The following KCNT1 variants were observed in gnomAD, a reference collection of about 807,000 sequenced individuals.
KCNT1 encodes the protein potassium channel subfamily T member 1.
In KCNT1, 78 loss-of-function variants were observed where a neutral mutation model predicts 147.8. The observed-to-expected ratio is 0.53, with a 90% CI of 0.44 to 0.64. The LOEUF is 0.64. Ranked by LOEUF, KCNT1 falls within the 30% of genes least tolerant of loss-of-function variation. The probability of loss-of-function intolerance (pLI) is 0.00; values close to 1 mark genes in which losing one functional copy is unlikely to be tolerated. For synonymous variants in KCNT1, 867 were observed against 748.8 expected (o/e 1.16, Z -2.58); for missense variants, 1,419 against 1,750.3 (o/e 0.81, Z 3.38).
rs114754838 is a variant in KCNT1, at chr9:135,718,010, G to A, written c.254+3290G>A. Among the ~76,000 whole-genome samples, 1,378 of 152,310 alleles carry A rather than the reference G, an allele frequency of 9.0e-3. 12 individuals are homozygous for A. The highest frequency in any genetic ancestry group is 0.03 in the African/African-American group (1,259 of 41,560). ...CACCCAAGCCCTCCCCTATCCATAA[G>A]GACACGCACGTGGGGACCCCAGCCC... is the stretch of plus-strand genomic sequence containing the variant. On this transcript the variant is annotated intron_variant, in intron 2 of 30. Transcript: ENST00000371757.
At chr9:135,785,070 G>A (rs539860436) in intron 27 of KCNT1, among the ~76,000 whole-genome samples, 181 bp downstream of exon 27, 62 of 152,316 alleles carry the variant, frequency 4.1e-4, no homozygotes, top group African/African-American at 1.3e-3. Flanking sequence ...AGCTCCTTCC[G>A]TCTGGTCCGT....
chr9:135,776,811 G>A (rs887870788), intron 20 of KCNT1, among the ~76,000 whole-genome samples: 2 of 152,190 alleles, frequency 1.3e-5, no homozygotes, highest in Non-Finnish European at 2.9e-5. Flanking sequence ...GCGGCTTCTG[G>A]GTGCTTCTGA....
chr9:135,734,712 C>T (rs1830264752), intron 2 of KCNT1, among the ~76,000 whole-genome samples: 1 of 152,162 alleles, frequency 6.6e-6, no homozygotes, highest in African/African-American at 2.4e-5. Flanking sequence ...CCCGGGTGGG[C>T]GCGCGCGTTT....
At chr9:135,721,001 A>T (rs1474226212) in intron 2 of KCNT1, among the ~76,000 whole-genome samples, 2 of 152,158 alleles carry the variant, frequency 1.3e-5, no homozygotes, top group African/African-American at 4.8e-5. Flanking sequence ...CGAGGGACAC[A>T]CGGCCGAGCC....
chr9:135,752,316 G>A lies in KCNT1; in HGVS notation c.434+1275G>A. The A allele has an allele frequency of 2.2e-6, 1 of 455,152 alleles. No individual in the cohort carries two copies. Among genetic ancestry groups the A allele is most frequent in the Non-Finnish European group, 4.4e-6 (1 of 226,434 alleles). The allele number at this position is 455,152 out of a possible 1,614,324, so 28.2% of individuals were successfully genotyped here. On this transcript the variant is annotated intron_variant, in intron 4 of 30. Coordinates refer to ENST00000371757, the MANE Select transcript of KCNT1 (RefSeq NM_020822.3). This position sits in a 1 kb window ranked among gnomAD's most constrained non-coding sequence, Gnocchi z 5.1. The stretch of plus-strand genomic sequence containing the variant: ...TCACCTGTTACCCCGTCACAAGGGG[G>A]CCTGGCATCCCCAGGCCAGAGACTT...
intron 1 of KCNT1, among the ~76,000 whole-genome samples, chr9:135,704,025 G>C (rs1005589977): frequency 1.3e-5 from 2 of 152,228 alleles, no homozygotes. Context: ...GGCTGGGCTC[G>C]GGAGCGGGGA....
chr9:135,780,474 T>C (rs1564385082), intron 24 of KCNT1, among the ~76,000 whole-genome samples: 1 of 152,100 alleles, frequency 6.6e-6, no homozygotes, highest in Non-Finnish European at 1.5e-5. Context: ...AGAGTGAAAG[T>C]GTGTTCCGGC....
rs572481949 is a variant in KCNT1, at chr9:135,737,123, C to T, written c.255-12975C>T. 3.1e-4 allele frequency: 51 copies of T among 166,834 alleles called. 2 individuals carry two copies. The South Asian group carries it at 9.9e-3, about 32-fold the overall frequency. The allele number at this position is 166,834 out of a possible 1,614,324, so 10.3% of individuals were successfully genotyped here. The stretch of plus-strand genomic sequence containing the variant: ...GGAGCCCCGATCTTGTTGGTGCCAG[C>T]GCCACTTTGGGGGAGACAGGGCCGG... On this transcript the variant is annotated intron_variant, in intron 2 of 30. Coordinates refer to ENST00000371757, the MANE Select transcript of KCNT1 (RefSeq NM_020822.3).
intron 25 of KCNT1, 47 bp from the exon 26 acceptor site, chr9:135,784,488 T>TTC: frequency 7.0e-5 from 6 of 85,996 alleles, no homozygotes; most frequent in Non-Finnish European, 1.3e-4. Flanking sequence ...TGTGGCTCCC[T>TTC]CCCTCCCTCC....
intron 2 of KCNT1, among the ~76,000 whole-genome samples, chr9:135,729,046 G>T (rs1836328241): frequency 6.6e-6 from 1 of 152,226 alleles, no homozygotes; most frequent in African/African-American, 2.4e-5. Flanking sequence ...AGGTCATTCA[G>T]TTGGGCCCTA....
At chr9:135,734,059 C>T (rs1273954744) in intron 2 of KCNT1, among the ~76,000 whole-genome samples, 2 of 152,156 alleles carry the variant, frequency 1.3e-5, no homozygotes, top group Non-Finnish European at 1.5e-5. Flanking sequence ...ACTCAGCTCG[C>T]GGTAGGCAAA....
rs1025612910 is a variant in KCNT1, at chr9:135,736,983, C to T, written c.255-13115C>T. 4.8e-5 allele frequency: 14 copies of T among 290,890 alleles called. No individual in the cohort carries two copies. The Admixed American group carries it at 6.3e-4, about 13-fold the overall frequency. The allele number at this position is 290,890 out of a possible 1,614,324, so 18.0% of individuals were successfully genotyped here. A position where few individuals can be genotyped will look rare whatever the true frequency, so the allele number is the denominator to read the frequency against. On this transcript the variant is annotated intron_variant, in intron 2 of 30. Coordinates refer to ENST00000371757, the MANE Select transcript of KCNT1 (RefSeq NM_020822.3). Reference sequence around the variant, plus strand: ...TTGAGAGCCTGCGGGACCCCCCACTCCCCCCACGTAGGGGCTGAACACGGC... The same window carrying T: ...TTGAGAGCCTGCGGGACCCCCCACTTCCCCCACGTAGGGGCTGAACACGGC...
rs1831249782 is a variant in KCNT1 at position 135,752,669 on chromosome 9, TGGATGGAGG to T, written c.435-1266_435-1258del. Among the ~76,000 whole-genome samples the T allele has an allele frequency of 7.9e-6, 1 of 126,796 alleles. No homozygotes were observed. The highest frequency in any genetic ancestry group is 1.7e-5 in the Non-Finnish European group (1 of 57,898). The allele number at this position is 126,796 out of a possible 152,430, so 83.2% of individuals were successfully genotyped here. Reference sequence around the variant, plus strand: ...CGGACGGATGGACGGATGGATGGAGTGGATGGAGGGATGAGTGGATGGGTGGATAATGGA... The same window carrying T: ...CGGACGGATGGACGGATGGATGGAGTGATGAGTGGATGGGTGGATAATGGA... On this transcript the variant is annotated intron_variant, in intron 4 of 30. Transcript: ENST00000371757. This position sits in a 1 kb window ranked among gnomAD's most constrained non-coding sequence, Gnocchi z 5.1.
At chr9:135,745,277 C>T (rs1169006065) in intron 2 of KCNT1, among the ~76,000 whole-genome samples, 3 of 152,194 alleles carry the variant, frequency 2.0e-5, no homozygotes, top group Middle Eastern at 3.2e-3. Context: ...CGGCTCCCCA[C>T]GGGAGTTCTC....
At chr9:135,782,584 G>T (rs1047151827) in intron 24 of KCNT1, among the ~76,000 whole-genome samples, 3 of 152,188 alleles carry the variant, frequency 2.0e-5, no homozygotes, top group African/African-American at 7.2e-5. Flanking sequence ...AATGGCACCC[G>T]CTCAGCCCCT....
intron 2 of KCNT1, among the ~76,000 whole-genome samples, chr9:135,735,875 C>G (rs887031821): frequency 1.3e-5 from 2 of 152,224 alleles, no homozygotes; most frequent in African/African-American, 4.8e-5. Context: ...GCCAATACCC[C>G]CCGGCTGTTA....
intron 16 of KCNT1, 116 bp from the exon 17 acceptor site, chr9:135,770,182 C>T: frequency 2.1e-6 from 3 of 1,404,638 alleles, no homozygotes; most frequent in Admixed American, 2.0e-5. Flanking sequence ...AAAAGTCCTG[C>T]ATAGGGAGGG....
chr9:135,708,851 A>G (rs554270172), intron 1 of KCNT1, among the ~76,000 whole-genome samples: 3 of 152,336 alleles, frequency 2.0e-5, no homozygotes, highest in Admixed American at 2.0e-4. Context: ...GACCACAAGC[A>G]ATGTTAAGAG....
chr9:135,768,456 C>T (rs1015299412), intron 13 of KCNT1, 154 bp from the exon 14 acceptor site: 7 of 607,596 alleles, frequency 1.2e-5, no homozygotes, highest in Non-Finnish European at 2.1e-5. Context: ...TCCATCCTCT[C>T]CGCCTTCCAT....
Sources: allele counts gnomAD v4.1 joint callset (sites outside exome capture counted in the v4.1 genomes callset), GRCh38; gene constraint gnomAD v4.1.1; non-coding constraint Gnocchi (gnomAD v3.1); transcripts MANE v1.5; gene names NCBI Gene and HGNC (gene_info 2026-07-23, HGNC 2026-07-21).